DLGAP1: variants seen among roughly 807,000 people sequenced by gnomAD.
DLGAP1 encodes the protein disks large-associated protein 1.
Under a neutral mutation model 90.8 loss-of-function variants are expected in DLGAP1, and 11 were observed. The observed-to-expected ratio is 0.12, with a 90% CI of 0.08 to 0.20. DLGAP1 has a LOEUF of 0.20. DLGAP1 is among the 10% of genes least tolerant of loss of function. DLGAP1 has a pLI of 1.00. For missense variants in DLGAP1, 1,050 were observed against 1,333.8 expected, an observed-to-expected ratio of 0.79 and a Z score of 3.31; for synonymous variants, 558 against 540.7, an observed-to-expected ratio of 1.03 and a Z score of -0.44.
chr18:3,553,434 G>A (rs2053584653), intron 9 of DLGAP1, among the ~76,000 whole-genome samples: 1 of 151,940 alleles, frequency 6.6e-6, no homozygotes, highest in African/African-American at 2.4e-5. Flanking sequence ...ATACTACTTT[G>A]TTTTTCTTAT....
intron 1 of DLGAP1, among the ~76,000 whole-genome samples, chr18:4,436,347 A>C (rs2144789322): frequency 6.6e-6 from 1 of 152,256 alleles, no homozygotes; most frequent in East Asian, 1.9e-4. Flanking sequence ...GCACATCTTA[A>C]TCACCTGAAG....
At chr18:3,712,394 C>A (rs1426190631) in intron 7 of DLGAP1, among the ~76,000 whole-genome samples, 1 of 152,140 alleles carries the variant, frequency 6.6e-6, no homozygotes, top group Non-Finnish European at 1.5e-5. Flanking sequence ...CTCTGTAGCA[C>A]TTGGCCGAGG....
At position 3,659,274 on chromosome 18, in the gene DLGAP1, T is replaced by A. The variant is rs78136921; in HGVS notation, c.1591+69861A>T. Among the ~76,000 whole-genome samples, 1,480 of 152,216 alleles carry A rather than the reference T, an allele frequency of 9.7e-3. 65 individuals are homozygous for A. In the East Asian group the frequency reaches 0.15, roughly 16 times the overall value. On this transcript the variant is annotated intron_variant, in intron 7 of 12. Coordinates refer to ENST00000315677, the MANE Select transcript of DLGAP1 (RefSeq NM_004746.4). ...TGAATATTTAAGAAGGGATTGATGT[T>A]GATATTAAAAAGCTACACATAGCAC...
rs1555621484 is a variant in DLGAP1 at position 4,454,406 on chromosome 18, T to TTCTC, written c.-267+596_-267+599dup. Among the ~76,000 whole-genome samples the TTCTC allele has an allele frequency of 2.1e-3, 312 of 150,654 alleles. 2 individuals are homozygous for TTCTC. Among genetic ancestry groups the TTCTC allele is most frequent in the African/African-American group, 6.6e-3 (273 of 41,144 alleles). On this transcript the variant is annotated intron_variant, in intron 1 of 12. Transcript: ENST00000315677. The surrounding 1 kb of genome is among the most constrained non-coding windows in gnomAD (Gnocchi z 4.7). ...CAGTGACCTCCTCCTTGGACCCCAT[T>TTCTC]TCTCTCTCTCTCTCTCTCTCTGTGC...
At chr18:4,140,489 T>G (rs1027404650) in intron 2 of DLGAP1, among the ~76,000 whole-genome samples, 1 of 152,018 alleles carries the variant, frequency 6.6e-6, no homozygotes, top group African/African-American at 2.4e-5. Flanking sequence ...GTCTATATCT[T>G]GAAAAGTTGT....
intron 5 of DLGAP1, among the ~76,000 whole-genome samples, chr18:3,798,811 C>T (rs2066142765): frequency 1.3e-5 from 2 of 152,136 alleles, no homozygotes; most frequent in Admixed American, 1.3e-4. Context: ...ATAATTAGAA[C>T]CATTTTTAAT....
At chr18:3,755,884 A>G (rs2063699711) in intron 5 of DLGAP1, among the ~76,000 whole-genome samples, 1 of 152,192 alleles carries the variant, frequency 6.6e-6, no homozygotes, top group Admixed American at 6.5e-5. Context: ...AAGTGCACTG[A>G]ACTATCTCTA....
At chr18:3,909,951 C>T (rs917978270) in intron 3 of DLGAP1, among the ~76,000 whole-genome samples, 3 of 151,944 alleles carry the variant, frequency 2.0e-5, no homozygotes, top group Admixed American at 2.0e-4. Context: ...AGGAATCACA[C>T]AGAAAAAACT....
intron 2 of DLGAP1, among the ~76,000 whole-genome samples, chr18:4,110,600 G>A (rs1023580726): frequency 1.3e-5 from 2 of 152,190 alleles, no homozygotes; most frequent in Admixed American, 6.5e-5. Context: ...TAGTCCTAGA[G>A]ATACTATATT....
At chr18:4,101,573 C>G (rs1213503863) in intron 2 of DLGAP1, among the ~76,000 whole-genome samples, 2 of 152,040 alleles carry the variant, frequency 1.3e-5, no homozygotes, top group Non-Finnish European at 2.9e-5. Flanking sequence ...GCAGGGTTGC[C>G]ACAAACCTTC....
intron 4 of DLGAP1, among the ~76,000 whole-genome samples, chr18:3,859,243 C>T (rs149374061): frequency 4.1e-4 from 62 of 152,204 alleles, no homozygotes; most frequent in Admixed American, 3.8e-3. Flanking sequence ...TCACCATATA[C>T]GTGAAATATC....
intron 1 of DLGAP1, among the ~76,000 whole-genome samples, chr18:4,262,941 A>AT (rs896549066): frequency 2.0e-4 from 30 of 149,646 alleles, no homozygotes; most frequent in South Asian, 6.4e-4. Context: ...TTATTTTATT[A>AT]TTTTTTTTTT....
intron 1 of DLGAP1, among the ~76,000 whole-genome samples, chr18:4,269,536 A>G (rs2079220062): frequency 6.6e-6 from 1 of 151,718 alleles, no homozygotes; most frequent in Non-Finnish European, 1.5e-5. Flanking sequence ...GTGTATTTTT[A>G]GTAGAGACGG....
At chr18:4,385,428 G>T (rs907528523) in intron 1 of DLGAP1, among the ~76,000 whole-genome samples, 5 of 151,944 alleles carry the variant, frequency 3.3e-5, no homozygotes, top group African/African-American at 1.2e-4. Flanking sequence ...TTGGATATTT[G>T]TTTTTCATTC....
chr18:3,754,590 T>C (rs1263044312), intron 5 of DLGAP1, among the ~76,000 whole-genome samples: 1 of 150,904 alleles, frequency 6.6e-6, no homozygotes, highest in Non-Finnish European at 1.5e-5. Flanking sequence ...ACAACTATAT[T>C]ATAAAAGAGG....
At chr18:3,524,704 G>C (rs1458454660) in intron 10 of DLGAP1, among the ~76,000 whole-genome samples, 1 of 152,152 alleles carries the variant, frequency 6.6e-6, no homozygotes, top group Non-Finnish European at 1.5e-5. Context: ...GTAACATTGT[G>C]AGACCCTGTC....
At chr18:4,135,371 G>A (rs1265564754) in intron 2 of DLGAP1, among the ~76,000 whole-genome samples, 3 of 152,038 alleles carry the variant, frequency 2.0e-5, no homozygotes, top group Non-Finnish European at 4.4e-5. Flanking sequence ...TAATACATAG[G>A]CCCTAAACAT....
intron 7 of DLGAP1, among the ~76,000 whole-genome samples, chr18:3,685,433 G>A (rs531676474): frequency 6.6e-6 from 1 of 151,948 alleles, no homozygotes; most frequent in Admixed American, 6.6e-5. Context: ...GTGTGGTGGC[G>A]GGCACCTATG....
chr18:4,182,053 C>T (rs2077218468), intron 1 of DLGAP1, among the ~76,000 whole-genome samples: 1 of 152,058 alleles, frequency 6.6e-6, no homozygotes, highest in Admixed American at 6.6e-5. Context: ...CCCATCTTTC[C>T]AAAGCAGGAG....
Sources: allele counts gnomAD v4.1 joint callset (sites outside exome capture counted in the v4.1 genomes callset), GRCh38; gene constraint gnomAD v4.1.1; non-coding constraint Gnocchi (gnomAD v3.1); transcripts MANE v1.5; gene names NCBI Gene and HGNC (gene_info 2026-07-23, HGNC 2026-07-21).